Variants in COL5A2 observed in about 807,000 individuals in gnomAD.
COL5A2 encodes collagen alpha-2(V) chain.
A neutral mutation model predicts 208.2 loss-of-function variants in COL5A2; 23 were observed. That is an observed-to-expected ratio of 0.11 (90% CI 0.08 to 0.16). The LOEUF (loss-of-function observed/expected upper bound fraction) is 0.16. Ranked by LOEUF, COL5A2 falls within the 10% of genes least tolerant of loss-of-function variation. The probability of loss-of-function intolerance (pLI) is 1.00; values close to 1 mark genes in which losing one functional copy is unlikely to be tolerated. For synonymous variants in COL5A2, 625 were observed against 628.5 expected (o/e 0.99, Z 0.08); for missense variants, 1,590 against 1,956.4 (o/e 0.81, Z 3.53).
chr2:189,414,135 A>G, the COL5A2 span, among the ~76,000 whole-genome samples: 1 of 152,130 alleles, frequency 6.6e-6, no homozygotes, highest in African/African-American at 2.4e-5. Context: ...TTTATTTTCA[A>G]AAATGAAGTT....
chr2:189,395,816 G>A, the COL5A2 span, among the ~76,000 whole-genome samples: 2 of 145,664 alleles, frequency 1.4e-5, no homozygotes, highest in African/African-American at 2.5e-5. Context: ...GCTGAGTGAG[G>A]CAGGTGAATC....
the COL5A2 span, among the ~76,000 whole-genome samples, chr2:189,396,274 G>A: frequency 6.6e-6 from 1 of 152,096 alleles, no homozygotes; most frequent in African/African-American, 2.4e-5. Context: ...TACCCCAAAG[G>A]GTACATGCAG....
chr2:189,285,158 A>G, the COL5A2 span, among the ~76,000 whole-genome samples: 17 of 151,232 alleles, frequency 1.1e-4, no homozygotes, highest in Admixed American at 2.7e-4. Flanking sequence ...AAGAAAGATA[A>G]AAACACAGAG....
chr2:189,267,851 C>T, the COL5A2 span, among the ~76,000 whole-genome samples: 1 of 152,144 alleles, frequency 6.6e-6, no homozygotes, highest in African/African-American at 2.4e-5. Context: ...CCAAACCCAC[C>T]ACCAAAAGAT....
chr2:189,086,899 CAT>C, intron 8 of COL5A2, 129 bp from the exon 9 acceptor site: 2 of 755,702 alleles, frequency 2.6e-6, no homozygotes, highest in African/African-American at 1.7e-5. Flanking sequence ...TGACATTCTC[CAT>C]CTGTACTCAT....
the COL5A2 span, among the ~76,000 whole-genome samples, chr2:189,286,285 T>C: frequency 6.6e-6 from 1 of 152,096 alleles, no homozygotes; most frequent in South Asian, 2.1e-4. Context: ...AATAGCACAC[T>C]CAAATTTGAA....
intron 6 of COL5A2, among the ~76,000 whole-genome samples, chr2:189,096,538 C>G (rs184658611): frequency 6.7e-6 from 1 of 148,566 alleles, no homozygotes; most frequent in Non-Finnish European, 1.5e-5. Flanking sequence ...AGGAGAATGG[C>G]GTGAACCAGG....
chr2:189,172,977 T>C (rs2105820712), intron 1 of COL5A2, among the ~76,000 whole-genome samples: 1 of 146,426 alleles, frequency 6.8e-6, no homozygotes, highest in Non-Finnish European at 1.5e-5. Context: ...TCTTTTTTTT[T>C]TTTTTTTTTT....
chr2:189,083,407 G>T (rs1686580778), intron 12 of COL5A2, among the ~76,000 whole-genome samples: 1 of 152,004 alleles, frequency 6.6e-6, no homozygotes, highest in African/African-American at 2.4e-5. Context: ...AGGAGAGCTG[G>T]AAATCAGTGT....
chr2:189,052,609 C>T, intron 40 of COL5A2, 140 bp downstream of exon 40: 5 of 877,658 alleles, frequency 5.7e-6, no homozygotes, highest in Admixed American at 2.1e-5. Context: ...GAGTTAAGTG[C>T]CCTTTGCACT....
At chr2:189,371,407 G>A in the COL5A2 span, among the ~76,000 whole-genome samples, 4 of 152,138 alleles carry the variant, frequency 2.6e-5, no homozygotes, top group Non-Finnish European at 5.9e-5. Flanking sequence ...AGAGTTTTGA[G>A]GTCTCAGAAA....
At chr2:189,068,140 A>T in intron 20 of COL5A2, 27 bp from the exon 21 acceptor site, 1 of 1,605,284 alleles carries the variant, frequency 6.2e-7, no homozygotes, top group Non-Finnish European at 8.5e-7. Context: ...GTGATGTGGT[A>T]AGTAGAGACA....
intron 1 of COL5A2, among the ~76,000 whole-genome samples, chr2:189,195,196 T>C (rs553493791): frequency 1.3e-5 from 2 of 152,244 alleles, no homozygotes; most frequent in East Asian, 1.9e-4. Context: ...AGCCAAATCA[T>C]GAATGAACTC....
At chr2:189,046,045 AT>A in intron 45 of COL5A2, 138 bp from the exon 46 acceptor site, 1 of 526,970 alleles carries the variant, frequency 1.9e-6, no homozygotes, top group Non-Finnish European at 3.2e-6. Context: ...TATTTTAACT[AT>A]TTTACTTATA....
In COL5A2 at chr2:189,066,507, A is replaced by G. The variant is rs918840882; in HGVS notation, c.1456-10T>C. ...GAATACCATGTGGCCCCTGTTAAAA[A>G]CAGAAGGACAGTTACCAGAAAGACC... On this transcript the variant is annotated splice_polypyrimidine_tract_variant and intron_variant, in intron 22 of 53. Transcript: ENST00000374866. 1.2e-6 allele frequency: 2 copies of G among 1,613,270 alleles called. No individual in the cohort carries two copies. Among genetic ancestry groups the G allele is most frequent in the Admixed American group, 3.3e-5 (2 of 59,996 alleles).
intron 1 of COL5A2, among the ~76,000 whole-genome samples, chr2:189,153,003 C>A (rs1688175441): frequency 6.6e-6 from 1 of 152,116 alleles, no homozygotes; most frequent in Non-Finnish European, 1.5e-5. Flanking sequence ...CATATTCAAT[C>A]AAGGTTGGAT....
chr2:189,195,342 T>C (rs1688986279), intron 1 of COL5A2, among the ~76,000 whole-genome samples: 1 of 152,180 alleles, frequency 6.6e-6, no homozygotes, highest in South Asian at 2.1e-4. Flanking sequence ...AAACATTCCA[T>C]CTTCATGGAT....
intron 6 of COL5A2, among the ~76,000 whole-genome samples, chr2:189,092,844 T>C (rs980055275): frequency 4.1e-4 from 63 of 152,316 alleles, no homozygotes; most frequent in African/African-American, 1.4e-3. Context: ...TACGTCTGCT[T>C]AACTTCTCCC....
intron 1 of COL5A2, among the ~76,000 whole-genome samples, chr2:189,187,896 G>A (rs1337454960): frequency 2.0e-5 from 3 of 151,294 alleles, no homozygotes; most frequent in African/African-American, 7.3e-5. Context: ...GTGAACCCGG[G>A]AGGCGGAGCT....
Sources: gnomAD v4.1 joint callset for allele counts (sites outside exome capture counted in the v4.1 genomes callset) on GRCh38, gnomAD v4.1.1 for gene constraint, MANE v1.5 for transcripts, NCBI Gene and HGNC (gene_info 2026-07-23, HGNC 2026-07-21) for gene names.